The following QSER1 variants were observed in gnomAD, a reference collection of about 807,000 sequenced individuals.
QSER1 encodes glutamine and serine-rich protein 1.
In QSER1, 49 loss-of-function variants were observed where a neutral mutation model predicts 158.5. The observed-to-expected ratio is 0.31, with a 90% CI of 0.25 to 0.39. The LOEUF is 0.39. QSER1 is among the 10% of genes least tolerant of loss of function. The pLI is 1.00. For synonymous variants in QSER1, 650 were observed against 715.5 expected (o/e 0.91, Z 1.46); for missense variants, 1,754 against 2,010.3 (o/e 0.87, Z 2.44).
intron 8 of QSER1, among the ~76,000 whole-genome samples, chr11:32,959,128 C>CA (rs1852576945): frequency 6.6e-6 from 1 of 152,068 alleles, no homozygotes; most frequent in Non-Finnish European, 1.5e-5. Flanking sequence ...CAGAGGTTGC[C>CA]AAATGTCTTG....
rs1853026231 is a variant in QSER1, at chr11:32,978,970, A to G, written c.*2496A>G. On this transcript the variant is annotated 3_prime_UTR_variant, in exon 13 of 13. Transcript: ENST00000650167. ...CGAACATCCTAGTGTACTTACACAAACCTAGGTGGCATAGCCCACAACGTA... is the reference window on the plus strand; with the variant it reads ...CGAACATCCTAGTGTACTTACACAAGCCTAGGTGGCATAGCCCACAACGTA... 1 of 152,254 alleles carries G rather than the reference A, an allele frequency of 6.6e-6. No individual in the cohort carries two copies. The highest frequency in any genetic ancestry group is 1.5e-5 in the Non-Finnish European group (1 of 68,050). The allele number at this position is 152,254 out of a possible 1,614,324, so 9.4% of individuals were successfully genotyped here.
chr11:32,899,671 A>AC (rs1323971205), intron 1 of QSER1, among the ~76,000 whole-genome samples: 1 of 151,956 alleles, frequency 6.6e-6, no homozygotes, highest in African/African-American at 2.4e-5. Flanking sequence ...GAAAAAAAAA[A>AC]CACTGTCTTG....
intron 4 of QSER1, among the ~76,000 whole-genome samples, chr11:32,951,386 T>C (rs1231644435): frequency 6.6e-6 from 1 of 152,228 alleles, no homozygotes; most frequent in African/African-American, 2.4e-5. Flanking sequence ...TTTGTTCTTT[T>C]TTCAAGATCA....
intron 4 of QSER1, among the ~76,000 whole-genome samples, chr11:32,949,672 A>G (rs975136326): frequency 4.6e-5 from 7 of 152,234 alleles, no homozygotes; most frequent in East Asian, 1.9e-4. Flanking sequence ...AAGTATGACA[A>G]TGTAACTATA....
rs192409776 is a variant in QSER1, at chr11:32,978,656, A to G, written c.*2182A>G. 9.2e-5 allele frequency: 14 copies of G among 152,266 alleles called. No homozygotes were observed. Among genetic ancestry groups the G allele is most frequent in the African/African-American group, 2.9e-4 (12 of 41,554 alleles). The allele number at this position is 152,266 out of a possible 1,614,324, so 9.4% of individuals were successfully genotyped here. ...TCCTTTGGCACTGCAGTTGCCCTCA[A>G]ACTGCTTGCAGTTGTATTCATTTTA... On this transcript the variant is annotated 3_prime_UTR_variant, in exon 13 of 13. Coordinates refer to ENST00000650167, the MANE Select transcript of QSER1 (RefSeq NM_001076786.3).
At chr11:32,931,628 G>T in intron 3 of QSER1, 115 bp from the exon 4 acceptor site, 2 of 759,660 alleles carry the variant, frequency 2.6e-6, no homozygotes. Flanking sequence ...TAACTGGTCA[G>T]GTTTTTCAGT....
chr11:32,894,806 T>C lies in QSER1; in HGVS notation c.209+1472T>C, dbSNP rs191736100. 3.8e-3 allele frequency among the ~76,000 whole-genome samples: 584 copies of C among 152,356 alleles called. 2 individuals are homozygous for C. The highest frequency in any genetic ancestry group is 0.01 in the Middle Eastern group (3 of 294). On this transcript the variant is annotated intron_variant, in intron 1 of 12. Transcript: ENST00000650167. ...AAACCTTTCAGAAATAGCCATAATT[T>C]TGTATTACATACAAGTAAGCCATTT...
In QSER1 at chr11:32,932,604, T is replaced by C. The variant is rs1318110944; in HGVS notation, c.1346T>C (p.Ile449Thr). The C allele has an allele frequency of 6.2e-7, 1 of 1,614,122 alleles. No homozygotes were observed. Among genetic ancestry groups the C allele is most frequent in the East Asian group, 2.2e-5 (1 of 44,890 alleles). The stretch of plus-strand genomic sequence containing the variant: ...CCTTTACATAATCAGAGTTCTGTAA[T>C]ATCGGGCCAAGCACAAATTTATTCT... Reference protein sequence around the residue: ...SKPLHNQSSVISGQAQIYSTA... With the variant: ...SKPLHNQSSVTSGQAQIYSTA... Residue 449 changes from isoleucine to threonine, a missense_variant, in exon 4 of 13, where the codon ATA becomes ACA. This residue lies in a region of QSER1 where 1,707 missense variants were observed against 1,919.6 expected (regional missense o/e 0.89). Transcript: ENST00000650167.
chr11:32,894,857 G>T (rs1851535082), intron 1 of QSER1, among the ~76,000 whole-genome samples: 1 of 152,120 alleles, frequency 6.6e-6, no homozygotes. Context: ...AAGACGTTTG[G>T]CACTTCACCC....
intron 8 of QSER1, 112 bp from the exon 9 acceptor site, chr11:32,966,188 G>T: frequency 1.7e-6 from 2 of 1,209,838 alleles, no homozygotes; most frequent in Non-Finnish European, 1.2e-6. Context: ...AGAAAGTCTT[G>T]AATTTGAAGA....
chr11:32,975,109 A>T, intron 11 of QSER1, 139 bp from the exon 12 acceptor site: 2 of 472,418 alleles, frequency 4.2e-6, no homozygotes, highest in Middle Eastern at 5.5e-4. Context: ...AAGTCTCTCC[A>T]TATTAACCCA....
At chr11:32,928,207 G>A in intron 3 of QSER1, 84 bp downstream of exon 3, 2 of 809,804 alleles carry the variant, frequency 2.5e-6, no homozygotes, top group Non-Finnish European at 4.0e-6. Flanking sequence ...ATTGTGGCTG[G>A]GAGTTTTGTT....
chr11:32,895,342 G>A (rs1851541390), intron 1 of QSER1, among the ~76,000 whole-genome samples: 3 of 151,386 alleles, frequency 2.0e-5, no homozygotes, highest in South Asian at 2.1e-4. Flanking sequence ...CCCCTCCCCC[G>A]CCAGCCTGCT....
intron 4 of QSER1, among the ~76,000 whole-genome samples, chr11:32,951,021 G>A (rs7395350): frequency 0.97 from 148,040 of 152,292 alleles, 72,076 homozygotes; most frequent in South Asian, 1. Flanking sequence ...GAATTCCTCA[G>A]TCATATATCT....
chr11:32,962,853 T>C (rs890214075), intron 8 of QSER1, among the ~76,000 whole-genome samples: 6 of 152,224 alleles, frequency 3.9e-5, no homozygotes, highest in Admixed American at 1.3e-4. Context: ...CAGATTCTCT[T>C]AATTTATTTT....
intron 1 of QSER1, among the ~76,000 whole-genome samples, chr11:32,924,252 A>G (rs1851937439): frequency 2.0e-5 from 3 of 151,986 alleles, no homozygotes. Flanking sequence ...CTGAGCAAAA[A>G]TTAAAACCTC....
At chr11:32,968,995 T>C (rs1852800557) in intron 9 of QSER1, 51 bp from the exon 10 acceptor site, 1 of 1,033,202 alleles carries the variant, frequency 9.7e-7, no homozygotes, top group Non-Finnish European at 1.4e-6. Context: ...TGGATTTTTT[T>C]CAAAAATATT....
intron 8 of QSER1, 124 bp downstream of exon 8, chr11:32,958,210 T>C: frequency 1.2e-6 from 1 of 816,408 alleles, no homozygotes; most frequent in South Asian, 1.8e-5. Flanking sequence ...TAATAAATTC[T>C]GTTTAGGTTT....
chr11:32,916,460 C>T (rs950396591), intron 1 of QSER1, among the ~76,000 whole-genome samples: 1 of 152,126 alleles, frequency 6.6e-6, no homozygotes, highest in Non-Finnish European at 1.5e-5. Flanking sequence ...TATAGCCATG[C>T]ATCACCTGAC....
Sources: allele counts gnomAD v4.1 joint callset (sites outside exome capture counted in the v4.1 genomes callset), GRCh38; gene constraint gnomAD v4.1.1; regional missense constraint gnomAD v4.1.1; transcripts MANE v1.5; gene names NCBI Gene and HGNC (gene_info 2026-07-23, HGNC 2026-07-21).